The following CTNNA3 variants were observed in gnomAD, a reference collection of about 807,000 sequenced individuals.
CTNNA3 encodes the protein catenin alpha 3, also known as catenin alpha-3.
In CTNNA3, 76 loss-of-function variants were observed where a neutral mutation model predicts 95.7. The observed-to-expected ratio is 0.79, with a 90% CI of 0.66 to 0.96. The LOEUF (loss-of-function observed/expected upper bound fraction) is 0.96, where lower values mean the gene tolerates loss of function less well. Ranked by LOEUF, CTNNA3 falls within the 40% of genes least tolerant of loss-of-function variation. CTNNA3 has a pLI of 0.00. For missense variants in CTNNA3, 1,191 were observed against 1,089.8 expected (o/e 1.09, Z -1.31); for synonymous variants, 431 against 374.4 (o/e 1.15, Z -1.74).
At chr10:67,218,788 C>T (rs929392797) in intron 6 of CTNNA3, among the ~76,000 whole-genome samples, 1 of 152,250 alleles carries the variant, frequency 6.6e-6, no homozygotes, top group Non-Finnish European at 1.5e-5. Flanking sequence ...TGGGTTACTA[C>T]AATAGCCTCC....
chr10:66,137,402 G>A (rs977671397), intron 13 of CTNNA3, among the ~76,000 whole-genome samples: 3 of 152,082 alleles, frequency 2.0e-5, no homozygotes, highest in Non-Finnish European at 4.4e-5. Context: ...AAAAAACAAA[G>A]TAGGAGGACT....
chr10:66,921,734 T>C (rs1163250855), intron 7 of CTNNA3, among the ~76,000 whole-genome samples: 1 of 151,804 alleles, frequency 6.6e-6, no homozygotes, highest in African/African-American at 2.4e-5. Flanking sequence ...ATCTTCCTTA[T>C]ATTTTTCTTT....
chr10:66,928,116 A>C (rs558870437), intron 7 of CTNNA3: 2 of 1,613,848 alleles, frequency 1.2e-6, no homozygotes, highest in African/African-American at 1.3e-5. Context: ...CGACGGTGGG[A>C]GCCACAGAGC....
intron 3 of CTNNA3, among the ~76,000 whole-genome samples, chr10:67,580,715 G>C (rs1404531575): frequency 2.6e-5 from 4 of 151,884 alleles, no homozygotes; most frequent in Non-Finnish European, 4.4e-5. Context: ...CCATTTGTTT[G>C]TGTCCTCTTT....
chr10:67,361,343 A>G (rs1287215924), intron 5 of CTNNA3, among the ~76,000 whole-genome samples: 1 of 152,186 alleles, frequency 6.6e-6, no homozygotes, highest in East Asian at 1.9e-4. Flanking sequence ...ATCTGCACAC[A>G]GAACATACTG....
intron 7 of CTNNA3, among the ~76,000 whole-genome samples, chr10:66,938,041 T>A (rs900086861): frequency 1.3e-5 from 2 of 152,194 alleles, no homozygotes; most frequent in Non-Finnish European, 2.9e-5. Context: ...GCATGATAGA[T>A]GTTGTTGAAT....
intron 3 of CTNNA3, among the ~76,000 whole-genome samples, chr10:67,606,060 G>C (rs533522950): frequency 1.3e-5 from 2 of 152,094 alleles, no homozygotes; most frequent in Admixed American, 6.6e-5. Context: ...ATTAGCAAAG[G>C]CTTCCTGATT....
intron 1 of CTNNA3, among the ~76,000 whole-genome samples, chr10:67,726,265 ATAT>A (rs1412052983): frequency 7.1e-5 from 6 of 84,028 alleles, no homozygotes; most frequent in African/African-American, 2.3e-4. Flanking sequence ...ATTGTATTAC[ATAT>A]TATATATATT....
At chr10:67,608,203 T>C (rs762818662) in intron 2 of CTNNA3, among the ~76,000 whole-genome samples, 2 of 152,166 alleles carry the variant, frequency 1.3e-5, no homozygotes, top group African/African-American at 2.4e-5. Flanking sequence ...CTTTGTCCCC[T>C]GAAGCAACCA....
intron 15 of CTNNA3, among the ~76,000 whole-genome samples, chr10:66,007,133 C>T (rs1304392721): frequency 6.6e-6 from 1 of 152,182 alleles, no homozygotes. Context: ...TTGAGACATA[C>T]TGAGTTATGC....
chr10:67,088,106 A>G (rs987815275), intron 7 of CTNNA3, among the ~76,000 whole-genome samples: 5 of 151,782 alleles, frequency 3.3e-5, no homozygotes, highest in Non-Finnish European at 7.4e-5. Context: ...TAAGTGAGTG[A>G]GTGAATGAGT....
At chr10:67,585,402 G>A (rs1589455826) in intron 3 of CTNNA3, among the ~76,000 whole-genome samples, 1 of 152,126 alleles carries the variant, frequency 6.6e-6, no homozygotes, top group Non-Finnish European at 1.5e-5. Context: ...AAAAGTTTCA[G>A]GAGGATTAGA....
intron 11 of CTNNA3, among the ~76,000 whole-genome samples, chr10:66,422,516 T>C (rs1304685183): frequency 6.6e-6 from 1 of 151,622 alleles, no homozygotes; most frequent in Non-Finnish European, 1.5e-5. Context: ...ATCTTTTTGT[T>C]TCTTTTTCAA....
chr10:66,134,154 C>A (rs531108162), intron 13 of CTNNA3, among the ~76,000 whole-genome samples: 2 of 152,018 alleles, frequency 1.3e-5, no homozygotes, highest in African/African-American at 2.4e-5. Context: ...GTATAAAAAA[C>A]TCATAAAAAC....
chr10:67,440,555 C>T lies in CTNNA3; in HGVS notation c.579+81287G>A, dbSNP rs554850471. Among the ~76,000 whole-genome samples the T allele has an allele frequency of 3.9e-5, 6 of 152,266 alleles. No homozygotes were observed. The East Asian group carries it at 9.7e-4, about 25-fold the overall frequency. ...ACCCAGTGCTGTCCTGGCTTCAGGT[C>T]TGACCTCTGTAGTCCCAGTATTGGT... On this transcript the variant is annotated intron_variant, in intron 5 of 17. Coordinates refer to ENST00000433211, the MANE Select transcript of CTNNA3 (RefSeq NM_013266.4).
chr10:66,708,800 G>A (rs1848202290), intron 9 of CTNNA3, among the ~76,000 whole-genome samples: 1 of 152,130 alleles, frequency 6.6e-6, no homozygotes, highest in African/African-American at 2.4e-5. Flanking sequence ...TCACTGACTA[G>A]TCTCAGCCTC....
At chr10:66,067,279 C>A (rs1276502276) in intron 15 of CTNNA3, among the ~76,000 whole-genome samples, 9 of 152,142 alleles carry the variant, frequency 5.9e-5, no homozygotes, top group African/African-American at 1.9e-4. Flanking sequence ...GACTATAGGT[C>A]ATAAGACCCA....
At chr10:67,503,587 G>A (rs1039681268) in intron 5 of CTNNA3, among the ~76,000 whole-genome samples, 2 of 152,090 alleles carry the variant, frequency 1.3e-5, no homozygotes, top group Non-Finnish European at 2.9e-5. Context: ...TTGTTCTTCA[G>A]TGTTGCCAAG....
intron 13 of CTNNA3, among the ~76,000 whole-genome samples, chr10:66,233,156 C>T (rs758356832): frequency 0.06 from 2,822 of 47,382 alleles, 38 homozygotes; most frequent in South Asian, 0.29. Flanking sequence ...CAAGACTCCA[C>T]CTCAAAAAAA....
Sources: gnomAD v4.1 joint callset for allele counts (sites outside exome capture counted in the v4.1 genomes callset) on GRCh38, gnomAD v4.1.1 for gene constraint, MANE v1.5 for transcripts, NCBI Gene and HGNC (gene_info 2026-07-23, HGNC 2026-07-21) for gene names.